TNKS1BP1: variants seen among roughly 807,000 people sequenced by gnomAD.
The protein encoded by TNKS1BP1 is 182 kDa tankyrase-1-binding protein.
TNKS1BP1 carries 48 observed loss-of-function variants against 141.1 expected under a neutral mutation model. The ratio of observed to expected loss-of-function variants is 0.34; its 90% CI spans 0.27 to 0.43. The LOEUF is 0.43. Among genes scored for constraint, TNKS1BP1 ranks in the 20% least tolerant of loss-of-function variants. The pLI is 1.00. For missense variants in TNKS1BP1, 2,149 were observed against 2,226.0 expected (o/e 0.97, Z 0.70); for synonymous variants, 875 against 898.2 (o/e 0.97, Z 0.46).
In TNKS1BP1 at chr11:57,302,534, C is replaced by T. The variant is rs1367467347; in HGVS notation, c.4608G>A (p.Gly1536=). ...GSSAARWSDQ[G]PAQTSRRPSQ... is the part of the protein sequence containing the mutation. The stretch of plus-strand genomic sequence containing the variant: ...AGGGTCGCCGAGAAGTCTGTGCTGG[C>T]CCCTGATCGCTCCACCTGGCTGCTG... Residue 1536 remains glycine (G), a synonymous_variant, in exon 7 of 12, where the codon GGG becomes GGA. Coordinates refer to ENST00000358252, the MANE Select transcript of TNKS1BP1 (RefSeq NM_033396.3). This position sits in a 1 kb window ranked among gnomAD's most constrained non-coding sequence, Gnocchi z 5.5. 1 of 1,613,016 alleles carries T rather than the reference C, an allele frequency of 6.2e-7. No homozygotes were observed.
In TNKS1BP1 at chr11:57,310,432, C is replaced by G; in HGVS notation, c.2279G>C (p.Gly760Ala). The G allele has an allele frequency of 2.5e-6, 4 of 1,613,828 alleles. No homozygotes were observed. Among genetic ancestry groups the G allele is most frequent in the Non-Finnish European group, 3.4e-6 (4 of 1,180,032 alleles). Residue 760 changes from glycine to alanine, a missense_variant, in exon 6 of 12, where the codon GGT becomes GCT. Physicochemically the swap from Gly to Ala is moderately conservative, Grantham distance 60. Transcript: ENST00000358252. ...QGASQDYGLGGASPRGDPGLG... is the reference protein window; with the variant it reads ...QGASQDYGLGAASPRGDPGLG... ...ACCTGGGTCTCCTCTAGGGCTTGCA[C>G]CCCCAAGGCCATAGTCCTGAGAAGC...
chr11:57,302,644 C>G lies in TNKS1BP1; in HGVS notation c.4498G>C (p.Gly1500Arg). Residue 1500 changes from glycine to arginine, a missense_variant, in exon 7 of 12, where the codon GGC becomes CGC. Gly to Arg is a moderately radical substitution (Grantham distance 125, BLOSUM62 -2). Transcript: ENST00000358252. The surrounding 1 kb of genome is among the most constrained non-coding windows in gnomAD (Gnocchi z 5.5). Reference sequence around the variant, plus strand: ...CTCCAGGAGGGTGGAGAGTCCCTGCCAGGCTCCAGCACCTCCTCTTGGGCA... The same window carrying G: ...CTCCAGGAGGGTGGAGAGTCCCTGCGAGGCTCCAGCACCTCCTCTTGGGCA... ...GAAQEEVLEP[G>R]RDSPPSWRPQ... The G allele has an allele frequency of 6.2e-7, 1 of 1,610,714 alleles. No individual in the cohort carries two copies. Among genetic ancestry groups the G allele is most frequent in the Non-Finnish European group, 8.5e-7 (1 of 1,179,312 alleles).
intron 6 of TNKS1BP1, among the ~76,000 whole-genome samples, chr11:57,306,285 C>CAAAAAAAAA (rs1554961714): frequency 0.037 from 4,520 of 122,100 alleles, 111 homozygotes; most frequent in Non-Finnish European, 0.056. Context: ...GACTCCGTTT[C>CAAAAAAAAA]AAAAAAAAAA....
Position 57,304,360 on chromosome 11 carries a change from G to C in TNKS1BP1, c.4317-1535C>G, listed in dbSNP as rs1468353770. Among the ~76,000 whole-genome samples the C allele has an allele frequency of 4.6e-5, 7 of 152,356 alleles. No homozygotes were observed. The East Asian group carries it at 7.7e-4, about 17-fold the overall frequency. ...TAAAGTGGTCTGGGGAGAGACATTG[G>C]GGGAGGAGGCAGTGGCGGCAGCAGA... On this transcript the variant is annotated intron_variant, in intron 6 of 11. Transcript: ENST00000358252.
chr11:57,309,741 T>A lies in TNKS1BP1; in HGVS notation c.2970A>T (p.Glu990Asp). ...CAAATTCCTCATCCTGTTGCTGGGC[T>A]TCCTCGGGGCTGAACCCAGAGCTCA... is the stretch of plus-strand genomic sequence containing the variant. ...RPLSSGFSPE[E>D]AQQQDEEFEK... Residue 990 changes from glutamate to aspartate, a missense_variant, in exon 6 of 12, where the codon GAA (glutamate) becomes GAT (aspartate). Transcript: ENST00000358252. The surrounding 1 kb of genome is among the most constrained non-coding windows in gnomAD (Gnocchi z 4.3). 6.2e-7 allele frequency: 1 copy of A among 1,614,182 alleles called. No homozygotes were observed. The highest frequency in any genetic ancestry group is 8.5e-7 in the Non-Finnish European group (1 of 1,180,018).
In TNKS1BP1 at chr11:57,310,476, A is replaced by G. The variant is rs745987623; in HGVS notation, c.2235T>C (p.Pro745=). The change falls in exon 6 of 12, where the codon CCT becomes CCC. Residue 745 remains proline, a synonymous_variant. Coordinates refer to ENST00000358252, the MANE Select transcript of TNKS1BP1 (RefSeq NM_033396.3). The part of the protein sequence containing the change: ...TGDPQPSSFS[P]SSWCQGASQD... ...GAGAAGCACCTTGACACCAGCTGGA[A>G]GGACTGAAACTGCTGGGCTGTGGGT... 5.0e-6 allele frequency: 8 copies of G among 1,612,838 alleles called. No individual in the cohort carries two copies. The South Asian group carries it at 8.8e-5, about 18-fold the overall frequency.
In TNKS1BP1 at chr11:57,309,393, C is replaced by T. The variant is rs1170909268; in HGVS notation, c.3318G>A (p.Gln1106=). 3.1e-6 allele frequency: 5 copies of T among 1,614,200 alleles called. No individual in the cohort carries two copies. The highest frequency in any genetic ancestry group is 4.2e-6 in the Non-Finnish European group (5 of 1,180,046). ...TGCAGAAGTCCCGGCTCCAGTCCTG[C>T]TGCCCTGGGCTAAATGCTGCCTCTC... The part of the protein sequence containing the change: ...PQREAAFSPG[Q]QDWSRDFCIE... Residue 1106 remains glutamine, a synonymous_variant, in exon 6 of 12, where the codon CAG becomes CAA. Coordinates refer to ENST00000358252, the MANE Select transcript of TNKS1BP1 (RefSeq NM_033396.3). The surrounding 1 kb of genome is among the most constrained non-coding windows in gnomAD (Gnocchi z 4.3).
rs779725739 is a variant in TNKS1BP1, at chr11:57,310,076, G to A, written c.2635C>T (p.Arg879Ter). The change falls in exon 6 of 12, where the codon CGA becomes TGA. Residue 879 changes from arginine (R) to a stop codon, truncating the protein, a stop_gained. Transcript: ENST00000358252. LOFTEE classifies it high-confidence loss of function. ...TCCCAGTCCCCAAGGCTTACATCTC[G>A]ACTACTGTAGGTACCCAGTGAATCT... The part of the protein sequence containing the change: ...KRDSLGTYSS[R>*]DVSLGDWEFG... The A allele has an allele frequency of 6.2e-6, 10 of 1,614,114 alleles. No homozygotes were observed. The highest frequency in any genetic ancestry group is 2.2e-5 in the East Asian group (1 of 44,894).
rs1855744150 is a variant in TNKS1BP1 at position 57,313,291 on chromosome 11, G to A, written c.1397C>T (p.Ala466Val). The A allele has an allele frequency of 1.2e-6, 2 of 1,613,010 alleles. No individual in the cohort carries two copies. The highest frequency in any genetic ancestry group is 1.7e-6 in the Non-Finnish European group (2 of 1,180,026). The change falls in exon 5 of 12, where the codon GCA (alanine) becomes GTA (valine). Residue 466 changes from alanine to valine, a missense_variant. By Grantham distance (64) the Ala-to-Val change is moderately conservative. Coordinates refer to ENST00000358252, the MANE Select transcript of TNKS1BP1 (RefSeq NM_033396.3). ...SQLALDRPFG[A>V]ESNWSLSQSF... is the part of the protein sequence containing the mutation. ...CTGTGATAAGCTCCAGTTGGACTCT[G>A]CCCCAAAGGGACGATCCAGGGCCAA...
In TNKS1BP1 at chr11:57,309,690, G is replaced by A. The variant is rs781125834; in HGVS notation, c.3021C>T (p.Asp1007=). 6.2e-7 allele frequency: 1 copy of A among 1,614,222 alleles called. No individual in the cohort carries two copies. The highest frequency in any genetic ancestry group is 2.2e-5 in the East Asian group (1 of 44,884). Residue 1007 remains aspartate, a synonymous_variant, in exon 6 of 12, where the codon GAC becomes GAT. Coordinates refer to ENST00000358252, the MANE Select transcript of TNKS1BP1 (RefSeq NM_033396.3). The surrounding 1 kb of genome is among the most constrained non-coding windows in gnomAD (Gnocchi z 4.3). ...CATCCCTGCTGCCCTCTCCAAGGCT[G>A]TCTTCCACACTTGGAATCTTCTTCT... ...EFEKKIPSVE[D]SLGEGSRDAG...
intron 3 of TNKS1BP1, 59 bp downstream of exon 3, chr11:57,320,020 C>CCCCCCCCCCA: frequency 8.2e-7 from 1 of 1,213,900 alleles, no homozygotes; most frequent in Non-Finnish European, 1.2e-6. Flanking sequence ...AGCCCCCACC[C>CCCCCCCCCCA]AATCCCACCC....
chr11:57,321,909 G>A lies in TNKS1BP1; in HGVS notation c.-24C>T, dbSNP rs760157141. ...ATCACATGCGGCAGACCCTCCTTGA[G>A]AGCGGGGAGGCAGAGAGGTATGAGC... On this transcript the variant is annotated 5_prime_UTR_variant, in exon 2 of 12. Coordinates refer to ENST00000358252, the MANE Select transcript of TNKS1BP1 (RefSeq NM_033396.3). 6.2e-7 allele frequency: 1 copy of A among 1,613,540 alleles called. No homozygotes were observed. Among genetic ancestry groups the A allele is most frequent in the Admixed American group, 1.7e-5 (1 of 59,952 alleles).
At chr11:57,311,354 G>T (rs1481220278) in intron 5 of TNKS1BP1, 10 of 985,628 alleles carry the variant, frequency 1.0e-5, no homozygotes, top group Admixed American at 6.1e-5. Context: ...CCATCCCCAG[G>T]CTGGGCCATG....
Position 57,320,188 on chromosome 11 carries a change from C to A in TNKS1BP1, c.619G>T (p.Ala207Ser). The change falls in exon 3 of 12, where the codon GCT becomes TCT. Residue 207 changes from alanine (A) to serine (S), a missense_variant. Physicochemically the swap from Ala to Ser is moderately conservative, Grantham distance 99. Transcript: ENST00000358252. ...GTGCTGCCATCCTCATCCCTGGGAG[C>A]AGTGGTCGTGCCATAGGTCCTGGGG... ...YGPRTYGTTT[A>S]PRDEDGSTLF... 6.2e-7 allele frequency: 1 copy of A among 1,614,210 alleles called. No individual in the cohort carries two copies. Among genetic ancestry groups the A allele is most frequent in the South Asian group, 1.1e-5 (1 of 91,084 alleles).
chr11:57,321,748 A>ACCCC, intron 2 of TNKS1BP1, 44 bp downstream of exon 2: 1 of 670,030 alleles, frequency 1.5e-6, no homozygotes, highest in Non-Finnish European at 2.5e-6. Flanking sequence ...TGTCCTTCCC[A>ACCCC]CCCCCCTCCC....
In TNKS1BP1 at chr11:57,309,475, C is replaced by A; in HGVS notation, c.3236G>T (p.Gly1079Val). ...QGPGSADLEDGEMGKRGWVGE... is the reference protein window; with the variant it reads ...QGPGSADLEDVEMGKRGWVGE... ...GACCCAGCCTCGCTTTCCCATCTCCCCATCTTCCAGGTCAGCACTGCCAGG... is the reference window on the plus strand; with the variant it reads ...GACCCAGCCTCGCTTTCCCATCTCCACATCTTCCAGGTCAGCACTGCCAGG... Residue 1079 changes from glycine to valine, a missense_variant, in exon 6 of 12, where the codon GGG becomes GTG. By Grantham distance (109) the Gly-to-Val change is moderately radical. Coordinates refer to ENST00000358252, the MANE Select transcript of TNKS1BP1 (RefSeq NM_033396.3). This position sits in a 1 kb window ranked among gnomAD's most constrained non-coding sequence, Gnocchi z 4.3. 6.2e-7 allele frequency: 1 copy of A among 1,614,064 alleles called. No homozygotes were observed. The highest frequency in any genetic ancestry group is 2.2e-5 in the East Asian group (1 of 44,880).
At chr11:57,304,787 G>A (rs961199854) in intron 6 of TNKS1BP1, among the ~76,000 whole-genome samples, 2 of 145,442 alleles carry the variant, frequency 1.4e-5, no homozygotes, top group African/African-American at 2.5e-5. Flanking sequence ...CAGGAGAATC[G>A]CTTGAACCCG....
chr11:57,316,503 C>T (rs1855800888), intron 4 of TNKS1BP1, among the ~76,000 whole-genome samples: 1 of 152,176 alleles, frequency 6.6e-6, no homozygotes. Context: ...GCAAACTCCT[C>T]CCATCTCCCC....
intron 6 of TNKS1BP1, among the ~76,000 whole-genome samples, chr11:57,304,090 C>T (rs560049923): frequency 6.6e-6 from 1 of 152,110 alleles, no homozygotes; most frequent in South Asian, 2.1e-4. Flanking sequence ...CAGAGCCACA[C>T]CTGACACAAA....
Sources: allele counts gnomAD v4.1 joint callset (sites outside exome capture counted in the v4.1 genomes callset), GRCh38; gene constraint gnomAD v4.1.1; non-coding constraint Gnocchi (gnomAD v3.1); transcripts MANE v1.5; gene names NCBI Gene and HGNC (gene_info 2026-07-23, HGNC 2026-07-21).